MARK1: variants seen among roughly 807,000 people sequenced by gnomAD.
The protein encoded by MARK1 is microtubule affinity regulating kinase 1.
A neutral mutation model predicts 96.3 loss-of-function variants in MARK1; 40 were observed. That is an observed-to-expected ratio of 0.42 (90% CI 0.32 to 0.54). The LOEUF (loss-of-function observed/expected upper bound fraction) is 0.54. Ranked by LOEUF, MARK1 falls within the 20% of genes least tolerant of loss-of-function variation. The probability of loss-of-function intolerance (pLI) is 0.16; values close to 1 mark genes in which losing one functional copy is unlikely to be tolerated. For synonymous variants in MARK1, 317 were observed against 341.2 expected (o/e 0.93, Z 0.78); for missense variants, 719 against 984.6 (o/e 0.73, Z 3.61).
At chr1:220,553,253 C>T (rs112232788) in intron 1 of MARK1, among the ~76,000 whole-genome samples, 14 of 152,340 alleles carry the variant, frequency 9.2e-5, no homozygotes, top group African/African-American at 3.4e-4. Flanking sequence ...TACATACTCT[C>T]TCTCTTTCTA....
chr1:220,660,372 A>G (rs1224731019), intron 17 of MARK1, among the ~76,000 whole-genome samples: 3 of 152,188 alleles, frequency 2.0e-5, no homozygotes, highest in Non-Finnish European at 2.9e-5. Context: ...TCAAGATTGC[A>G]TAGTTTGCAG....
In MARK1 at chr1:220,549,329, T is replaced by C. The variant is rs568672267; in HGVS notation, c.51+20456T>C. 3.4e-4 allele frequency among the ~76,000 whole-genome samples: 52 copies of C among 152,312 alleles called. 1 individual carries two copies. The South Asian group carries it at 7.0e-3, about 21-fold the overall frequency. Reference sequence around the variant, plus strand: ...TGTTTTGTTTAACTAACTGAACACATATAGCGCCCTTAGAACAGTACCTGA... The same window carrying C: ...TGTTTTGTTTAACTAACTGAACACACATAGCGCCCTTAGAACAGTACCTGA... On this transcript the variant is annotated intron_variant, in intron 1 of 17. Transcript: ENST00000366917.
chr1:220,636,970 A>G (rs1668000334), intron 13 of MARK1, among the ~76,000 whole-genome samples: 1 of 152,172 alleles, frequency 6.6e-6, no homozygotes, highest in Admixed American at 6.5e-5. Flanking sequence ...TGGATACAGT[A>G]AGATAAAGGG....
intron 3 of MARK1, among the ~76,000 whole-genome samples, chr1:220,597,578 C>T (rs564338245): frequency 8.1e-4 from 123 of 152,126 alleles, no homozygotes; most frequent in Non-Finnish European, 1.4e-3. Context: ...AGATTTTATT[C>T]TGATAAAATG....
chr1:220,593,602 C>T (rs138279503), intron 3 of MARK1, among the ~76,000 whole-genome samples: 113 of 152,272 alleles, frequency 7.4e-4, no homozygotes, highest in African/African-American at 2.5e-3. Context: ...GAGCCCCACC[C>T]CTACTGTCAG....
chr1:220,617,933 T>C (rs1666847671), intron 7 of MARK1, among the ~76,000 whole-genome samples: 1 of 152,190 alleles, frequency 6.6e-6, no homozygotes, highest in African/African-American at 2.4e-5. Flanking sequence ...CATGTTGGTT[T>C]AAGTCCCAGA....
intron 6 of MARK1, among the ~76,000 whole-genome samples, chr1:220,608,979 T>C (rs1317137822): frequency 6.6e-6 from 1 of 152,212 alleles, no homozygotes; most frequent in East Asian, 1.9e-4. Flanking sequence ...CTTCCAAGTA[T>C]GTGGACGGTT....
chr1:220,535,533 C>CT (rs1391253886), intron 1 of MARK1, among the ~76,000 whole-genome samples: 3 of 152,044 alleles, frequency 2.0e-5, no homozygotes, highest in African/African-American at 7.2e-5. Flanking sequence ...TCCTGATTGT[C>CT]TATTTTTGCT....
intron 13 of MARK1, among the ~76,000 whole-genome samples, chr1:220,638,721 A>C (rs1384919418): frequency 6.6e-6 from 1 of 152,186 alleles, no homozygotes; most frequent in African/African-American, 2.4e-5. Flanking sequence ...TTTGATAGAG[A>C]AATTCTGTTC....
intron 12 of MARK1, 22 bp from the exon 13 acceptor site, chr1:220,635,811 G>C (rs1462480914): frequency 1.3e-6 from 2 of 1,535,570 alleles, no homozygotes; most frequent in South Asian, 2.5e-5. Context: ...AGCTCATTAT[G>C]CTATTTTTAA....
chr1:220,629,519 A>G (rs531403784), intron 9 of MARK1, among the ~76,000 whole-genome samples: 1 of 152,166 alleles, frequency 6.6e-6, no homozygotes, highest in Non-Finnish European at 1.5e-5. Flanking sequence ...GTACTCATTG[A>G]ACAAATCCCC....
chr1:220,637,241 A>G (rs767174588), intron 13 of MARK1, among the ~76,000 whole-genome samples: 26 of 152,374 alleles, frequency 1.7e-4, no homozygotes, highest in Admixed American at 3.3e-4. Flanking sequence ...ATGTAGTAAC[A>G]TAAGCAAAAA....
rs141817232 is a variant in MARK1, at chr1:220,619,257, G to A, written c.909+502G>A. Among the ~76,000 whole-genome samples the A allele has an allele frequency of 1.9e-3, 282 of 152,252 alleles. 7 individuals are homozygous for A. In the East Asian group the frequency reaches 0.044, roughly 24 times the overall value. On this transcript the variant is annotated intron_variant, in intron 9 of 17. Transcript: ENST00000366917. ...TGGGAGGCCGAGGCGGGCAGATCAC[G>A]AGGTCAGGAGATTGAGACCATCCTT...
chr1:220,537,827 C>T (rs1660825184), intron 1 of MARK1, among the ~76,000 whole-genome samples: 1 of 152,074 alleles, frequency 6.6e-6, no homozygotes, highest in South Asian at 2.1e-4. Flanking sequence ...TTGCATTTCT[C>T]TGATGGTCAG....
intron 11 of MARK1, among the ~76,000 whole-genome samples, chr1:220,634,144 G>A (rs1244995586): frequency 2.6e-5 from 4 of 152,198 alleles, no homozygotes; most frequent in Admixed American, 2.6e-4. Flanking sequence ...GTGGGAAATA[G>A]TATGAATGGT....
intron 3 of MARK1, among the ~76,000 whole-genome samples, chr1:220,591,583 A>G (rs958222150): frequency 6.6e-6 from 1 of 152,202 alleles, no homozygotes; most frequent in African/African-American, 2.4e-5. Context: ...TAGAGAGTAC[A>G]AGTAAAAGCC....
At chr1:220,595,869 A>G (rs952347379) in intron 3 of MARK1, among the ~76,000 whole-genome samples, 3 of 152,194 alleles carry the variant, frequency 2.0e-5, no homozygotes, top group Non-Finnish European at 4.4e-5. Context: ...TGTGGAGGTG[A>G]GTAAAAATGT....
intron 6 of MARK1, among the ~76,000 whole-genome samples, chr1:220,615,321 T>TG (rs1408631437): frequency 1.6e-4 from 25 of 152,170 alleles, no homozygotes; most frequent in African/African-American, 5.3e-4. Context: ...TTCACCTGAC[T>TG]GAATTAGTGA....
chr1:220,622,286 A>G (rs539053184), intron 9 of MARK1, among the ~76,000 whole-genome samples: 1 of 152,320 alleles, frequency 6.6e-6, no homozygotes, highest in East Asian at 1.9e-4. Context: ...GATGGACTAT[A>G]TTACCTTTCA....
Sources: allele counts gnomAD v4.1 joint callset (sites outside exome capture counted in the v4.1 genomes callset), GRCh38; gene constraint gnomAD v4.1.1; transcripts MANE v1.5; gene names NCBI Gene and HGNC (gene_info 2026-07-23, HGNC 2026-07-21).